The following IL18R1 variants were observed in gnomAD, a reference collection of about 807,000 sequenced individuals.
IL18R1 encodes interleukin 18 receptor 1, also known as interleukin-18 receptor 1.
Under a neutral mutation model 48.5 loss-of-function variants are expected in IL18R1, and 40 were observed. The ratio of observed to expected loss-of-function variants is 0.82; its 90% CI spans 0.64 to 1.07. The LOEUF (loss-of-function observed/expected upper bound fraction) is 1.07, where lower values mean the gene tolerates loss of function less well. Among genes scored for constraint, IL18R1 ranks in the 50% least tolerant of loss-of-function variants. The pLI, the probability that IL18R1 is intolerant of heterozygous loss-of-function variation, is 0.00. For missense variants in IL18R1, 596 were observed against 633.7 expected (o/e 0.94, Z 0.64); for synonymous variants, 232 against 225.9 (o/e 1.03, Z -0.24).
At position 102,394,485 on chromosome 2, in the gene IL18R1, T is replaced by C. The variant is rs1680716529; in HGVS notation, c.1128T>C (p.Asp376=). 6.2e-7 allele frequency: 1 copy of C among 1,611,230 alleles called. No individual in the cohort carries two copies. The highest frequency in any genetic ancestry group is 8.5e-7 in the Non-Finnish European group (1 of 1,178,376). ...DETLTDGKTY[D]AFVSYLKECR... Reference sequence around the variant, plus strand: ...ACCTCCTAGATGGAAAAACATATGATGCTTTTGTGTCTTACCTAAAAGAAT... The same window carrying C: ...ACCTCCTAGATGGAAAAACATATGACGCTTTTGTGTCTTACCTAAAAGAAT... The change falls in exon 10 of 11, where the codon GAT becomes GAC. Residue 376 remains aspartate, a synonymous_variant. Transcript: ENST00000233957.
intron 4 of IL18R1, among the ~76,000 whole-genome samples, chr2:102,373,752 G>A (rs1386389341): frequency 7.2e-5 from 11 of 152,010 alleles, no homozygotes. Context: ...GTAGTTCAGG[G>A]GTCCCCAATC....
At chr2:102,360,532 G>C (rs1678514017) in intron 1 of IL18R1, among the ~76,000 whole-genome samples, 1 of 152,090 alleles carries the variant, frequency 6.6e-6, no homozygotes, top group Admixed American at 6.5e-5. Flanking sequence ...CAAAGTGCTG[G>C]GATTACAGGC....
chr2:102,384,163 A>G (rs781374444), intron 6 of IL18R1, among the ~76,000 whole-genome samples: 19 of 152,214 alleles, frequency 1.2e-4, no homozygotes, highest in Non-Finnish European at 1.6e-4. Context: ...ATCTGTCTTC[A>G]TCTCTGATAG....
chr2:102,362,544 C>CA (rs2105030831), intron 1 of IL18R1, 89 bp from the exon 2 acceptor site: 1 of 750,576 alleles, frequency 1.3e-6, no homozygotes, highest in East Asian at 2.8e-5. Context: ...TTTTAAAAAT[C>CA]TGTGTGCCAG....
chr2:102,392,690 CA>C (rs991302690), intron 9 of IL18R1, among the ~76,000 whole-genome samples: 4 of 151,886 alleles, frequency 2.6e-5, no homozygotes, highest in African/African-American at 9.7e-5. Context: ...TAAACAACAA[CA>C]AAAAAAGGCA....
At chr2:102,385,698 C>T (rs1680185304) in intron 7 of IL18R1, among the ~76,000 whole-genome samples, 1 of 152,206 alleles carries the variant, frequency 6.6e-6, no homozygotes. Flanking sequence ...CACTTGTCTA[C>T]AAGCTCTTTA....
chr2:102,385,032 A>G, intron 7 of IL18R1, 34 bp downstream of exon 7: 1 of 1,164,172 alleles, frequency 8.6e-7, no homozygotes, highest in Middle Eastern at 1.9e-4. Flanking sequence ...CATGATATAT[A>G]CCATATAACA....
Position 102,367,828 on chromosome 2 carries a change from C to G in IL18R1, c.62C>G (p.Ser21Cys). 1 of 1,612,094 alleles carries G rather than the reference C, an allele frequency of 6.2e-7. No homozygotes were observed. The highest frequency in any genetic ancestry group is 8.5e-7 in the Non-Finnish European group (1 of 1,178,626). Residue 21 changes from serine (S) to cysteine (C), a missense_variant, in exon 3 of 11, where the codon TCT (serine) becomes TGT (cysteine). Coordinates refer to ENST00000233957, the MANE Select transcript of IL18R1 (RefSeq NM_003855.5). ...WVLISVSTAE[S>C]CTSRPHITVV... ...TTACTTTACTAATCTTTTGAAGAAT[C>G]TTGTACTTCACGTCCCCACATTACT...
intron 10 of IL18R1, among the ~76,000 whole-genome samples, chr2:102,396,094 C>T (rs1177863822): frequency 6.6e-6 from 1 of 151,976 alleles, no homozygotes; most frequent in Non-Finnish European, 1.5e-5. Flanking sequence ...CTCTTTTCTG[C>T]TTGAGGAGAA....
intron 1 of IL18R1, 126 bp from the exon 2 acceptor site, chr2:102,362,507 G>A (rs942119786): frequency 3.7e-6 from 2 of 537,594 alleles, no homozygotes; most frequent in Non-Finnish European, 6.6e-6. Context: ...ACTATATTAA[G>A]GATTATAAAA....
At chr2:102,379,444 C>CAAAAA (rs112656218) in intron 5 of IL18R1, among the ~76,000 whole-genome samples, 4 of 102,930 alleles carry the variant, frequency 3.9e-5, no homozygotes, top group South Asian at 3.9e-4. Flanking sequence ...GACTCGGTCT[C>CAAAAA]AAAAAAAAAA....
rs1255101053 is a variant in IL18R1, at chr2:102,384,925, G to A, written c.736G>A (p.Val246Ile). The change falls in exon 7 of 11, where the codon GTA (valine) becomes ATA (isoleucine). Residue 246 changes from valine to isoleucine, a missense_variant. Around this residue, in one of 3 missense-constraint regions of IL18R1, gnomAD observed 360 missense variants for 339.4 expected, o/e 1.06. Transcript: ENST00000233957. Reference sequence around the variant, plus strand: ...CTCTGCTTTGCTGAATGAAGAGGATGTAATTTATTGGATGTTCGGGGAAGA... The same window carrying A: ...CTCTGCTTTGCTGAATGAAGAGGATATAATTTATTGGATGTTCGGGGAAGA... ...NCSALLNEED[V>I]IYWMFGEENG... 5 of 1,611,042 alleles carry A rather than the reference G, an allele frequency of 3.1e-6. No homozygotes were observed. Among genetic ancestry groups the A allele is most frequent in the Non-Finnish European group, 8.5e-7 (1 of 1,177,520 alleles).
intron 6 of IL18R1, among the ~76,000 whole-genome samples, chr2:102,383,711 T>C (rs1320126427): frequency 6.6e-6 from 1 of 152,224 alleles, no homozygotes; most frequent in Non-Finnish European, 1.5e-5. Context: ...TGGGTCTTTT[T>C]TGAAATATGG....
intron 6 of IL18R1, among the ~76,000 whole-genome samples, chr2:102,384,521 G>A (rs968324388): frequency 3.3e-5 from 5 of 151,942 alleles, no homozygotes; most frequent in Admixed American, 6.6e-5. Context: ...TGTCTTTAAT[G>A]TTTGCTTAAT....
chr2:102,377,649 G>C (rs529508239), intron 5 of IL18R1, among the ~76,000 whole-genome samples: 1 of 152,340 alleles, frequency 6.6e-6, no homozygotes, highest in African/African-American at 2.4e-5. Context: ...GCTTTCTCCA[G>C]CTTCTAGAGA....
At chr2:102,381,379 G>C (rs1480071153) in intron 5 of IL18R1, among the ~76,000 whole-genome samples, 1 of 152,202 alleles carries the variant, frequency 6.6e-6, no homozygotes, top group Non-Finnish European at 1.5e-5. Context: ...CAGTGGATGG[G>C]CATCTTCCTC....
At position 102,381,651 on chromosome 2, in the gene IL18R1, A is replaced by G. The variant is rs753437545; in HGVS notation, c.657A>G (p.Gly219=). 4 of 1,613,138 alleles carry G rather than the reference A, an allele frequency of 2.5e-6. No individual in the cohort carries two copies. The South Asian group carries it at 4.4e-5, about 18-fold the overall frequency. ...GTAATATAGTTCCGGTTCTTCTTGG[A>G]CCAAAGCTTAACCATGTTGCAGTGG... ...DRSNIVPVLL[G]PKLNHVAVEL... The change falls in exon 6 of 11, where the codon GGA becomes GGG. Residue 219 remains glycine (G), a synonymous_variant. Transcript: ENST00000233957.
intron 6 of IL18R1, 112 bp downstream of exon 6, chr2:102,381,794 AC>A: frequency 4.1e-6 from 3 of 735,224 alleles, no homozygotes; most frequent in Non-Finnish European, 7.0e-6. Context: ...TTTCATATTT[AC>A]TGAATAACAT....
chr2:102,379,967 C>T (rs935885570), intron 5 of IL18R1, among the ~76,000 whole-genome samples: 4 of 152,184 alleles, frequency 2.6e-5, no homozygotes, highest in African/African-American at 7.2e-5. Context: ...TGCCAAAACA[C>T]CATACTTTGG....
Sources: allele counts gnomAD v4.1 joint callset (sites outside exome capture counted in the v4.1 genomes callset), GRCh38; gene constraint gnomAD v4.1.1; regional missense constraint gnomAD v4.1.1; transcripts MANE v1.5; gene names NCBI Gene and HGNC (gene_info 2026-07-23, HGNC 2026-07-21).